The following KRT6C variants were observed in gnomAD, a reference collection of about 807,000 sequenced individuals.
KRT6C encodes the protein keratin 6C, also known as keratin, type II cytoskeletal 6C.
A neutral mutation model predicts 49.4 loss-of-function variants in KRT6C; 46 were observed. That is an observed-to-expected ratio of 0.93 (90% CI 0.74 to 1.19). The LOEUF (loss-of-function observed/expected upper bound fraction) is 1.19. KRT6C is among the 50% of genes most tolerant of loss of function. The pLI, the probability that KRT6C is intolerant of heterozygous loss-of-function variation, is 0.00. For synonymous variants in KRT6C, 236 were observed against 297.1 expected (o/e 0.79, Z 2.12); for missense variants, 552 against 737.5 (o/e 0.75, Z 2.91).
rs1592176990 is a variant in KRT6C, at chr12:52,470,709, C to A, written c.1078-79G>T. 1.2e-5 allele frequency: 19 copies of A among 1,611,954 alleles called. No individual in the cohort carries two copies. The East Asian group carries it at 1.3e-4, about 11-fold the overall frequency. Reference sequence around the variant, plus strand: ...CGATGACTTTCACTTGTGTATCATGCATGTCATGAAGTGGACCTAATGGCT... The same window carrying A: ...CGATGACTTTCACTTGTGTATCATGAATGTCATGAAGTGGACCTAATGGCT... On this transcript the variant is annotated intron_variant, in intron 5 of 8. Coordinates refer to ENST00000252250, the MANE Select transcript of KRT6C (RefSeq NM_173086.5).
At position 52,469,898 on chromosome 12, in the gene KRT6C, G is replaced by A. The variant is rs752952124; in HGVS notation, c.1204-8C>T. On this transcript the variant is annotated splice_region_variant and splice_polypyrimidine_tract_variant and intron_variant, in intron 6 of 8. Transcript: ENST00000252250. ...AGCCTGCAGGCTGGCACACTAGGAG[G>A]GGAAAGGAAGAGAAGGAACTTCTTG... 9.4e-5 allele frequency: 152 copies of A among 1,613,916 alleles called. No individual in the cohort carries two copies. Among genetic ancestry groups the A allele is most frequent in the Non-Finnish European group, 1.2e-4 (144 of 1,179,972 alleles).
rs1196451284 is a variant in KRT6C, at chr12:52,469,403, G to C, written c.1459+8C>G. On this transcript the variant is annotated splice_region_variant and intron_variant, in intron 8 of 8. Transcript: ENST00000252250. The stretch of plus-strand genomic sequence containing the variant: ...GGGCAGGGGAGGAAGGCAAGCAAAG[G>C]TACTTACAGACGTTGACTTGTCCAA... 1.9e-6 allele frequency: 3 copies of C among 1,613,888 alleles called. No individual in the cohort carries two copies. The highest frequency in any genetic ancestry group is 1.7e-6 in the Non-Finnish European group (2 of 1,179,900).
chr12:52,472,370 C>T, intron 1 of KRT6C, 90 bp from the exon 2 acceptor site: 1 of 1,156,064 alleles, frequency 8.7e-7, no homozygotes, highest in Non-Finnish European at 1.2e-6. Flanking sequence ...TTGGAGGTCC[C>T]CATGGTGCTG....
chr12:52,470,311 C>T, intron 6 of KRT6C, 194 bp downstream of exon 6: 2 of 965,572 alleles, frequency 2.1e-6, no homozygotes, highest in Non-Finnish European at 3.2e-6. Flanking sequence ...CCTGGCCTTG[C>T]TTGTGCCTCA....
Position 52,473,685 on chromosome 12 carries a change from A to G in KRT6C, c.53T>C (p.Phe18Ser), listed in dbSNP as rs1456360376. 5 of 1,613,482 alleles carry G rather than the reference A, an allele frequency of 3.1e-6. No homozygotes were observed. The South Asian group carries it at 3.3e-5, about 11-fold the overall frequency. ...AGGGAGCCTGGCTGAGTTGGCACTG[A>G]AACCCCGGCGGCTGCTGCTGTGGCT... ...IRSHSSSRRG[F>S]SANSARLPGV... Residue 18 changes from phenylalanine to serine, a missense_variant, in exon 1 of 9, where the codon TTC (phenylalanine) becomes TCC (serine). Physicochemically the swap from Phe to Ser is radical, Grantham distance 155 (BLOSUM62 -2). Transcript: ENST00000252250.
Position 52,468,915 on chromosome 12 carries a change from A to G in KRT6C, c.*147T>C. 1.1e-6 allele frequency: 1 copy of G among 940,326 alleles called. No homozygotes were observed. The highest frequency in any genetic ancestry group is 1.6e-6 in the Non-Finnish European group (1 of 618,620). The allele number at this position is 940,326 out of a possible 1,614,324, so 58.2% of individuals were successfully genotyped here. A position where few individuals can be genotyped will look rare whatever the true frequency, so the allele number is the denominator to read the frequency against. Reference sequence around the variant, plus strand: ...AGATGGGGCAGGTATAGACAGAGAGAAGTGAGGGCACTAAGCATCCATACC... The same window carrying G: ...AGATGGGGCAGGTATAGACAGAGAGGAGTGAGGGCACTAAGCATCCATACC... On this transcript the variant is annotated 3_prime_UTR_variant, in exon 9 of 9. Transcript: ENST00000252250.
Position 52,469,074 on chromosome 12 carries a change from G to C in KRT6C, c.1683C>G (p.Ser561Arg), listed in dbSNP as rs775794801. The C allele has an allele frequency of 6.2e-7, 1 of 1,614,154 alleles. No individual in the cohort carries two copies. Among genetic ancestry groups the C allele is most frequent in the South Asian group, 1.1e-5 (1 of 91,078 alleles). The change falls in exon 9 of 9, where the codon AGC becomes AGG. Residue 561 changes from serine to arginine, a missense_variant. Physicochemically the swap from Ser to Arg is moderately radical, Grantham distance 110 (BLOSUM62 -1). Coordinates refer to ENST00000252250, the MANE Select transcript of KRT6C (RefSeq NM_173086.5). The part of the protein sequence containing the change: ...YTTTSSSSRK[S>R]YKH ...TGGAGGCAGCACTTTAGTGCTTGTAGCTCTTCCTGCTGGAGGAGGAGGTGG... is the reference window on the plus strand; with the variant it reads ...TGGAGGCAGCACTTTAGTGCTTGTACCTCTTCCTGCTGGAGGAGGAGGTGG...
At chr12:52,470,328 C>T (rs200217394) in intron 6 of KRT6C, 177 bp downstream of exon 6, 1 of 1,150,102 alleles carries the variant, frequency 8.7e-7, no homozygotes, top group African/African-American at 1.5e-5. Context: ...CTCAGAGGCT[C>T]ATCCTCTTGG....
chr12:52,473,091 G>C lies in KRT6C; in HGVS notation c.540+107C>G, dbSNP rs1937915956. Reference sequence around the variant, plus strand: ...GCCACCTGCACTCTCTGCAGAGCTGGGCTGAATCCCCTTCTCCCTCCCTCC... The same window carrying C: ...GCCACCTGCACTCTCTGCAGAGCTGCGCTGAATCCCCTTCTCCCTCCCTCC... On this transcript the variant is annotated intron_variant, in intron 1 of 8. Coordinates refer to ENST00000252250, the MANE Select transcript of KRT6C (RefSeq NM_173086.5). 14 of 1,286,202 alleles carry C rather than the reference G, an allele frequency of 1.1e-5. 2 individuals are homozygous for C. In the South Asian group the frequency reaches 1.5e-4, roughly 14 times the overall value. 79.7% of individuals were successfully genotyped at this position (1,286,202 alleles called of 1,614,324 possible).
At position 52,471,711 on chromosome 12, in the gene KRT6C, C is replaced by T. The variant is rs762293958; in HGVS notation, c.777G>A (p.Lys259=). 3 of 1,613,476 alleles carry T rather than the reference C, an allele frequency of 1.9e-6. No individual in the cohort carries two copies. The highest frequency in any genetic ancestry group is 2.7e-5 in the African/African-American group (2 of 74,778). Residue 259 remains lysine, a synonymous_variant, in exon 3 of 9, where the codon AAG becomes AAA. Coordinates refer to ENST00000252250, the MANE Select transcript of KRT6C (RefSeq NM_173086.5). ...CAAATTCATTCTCTGCTGCTGTGCGCTTGTTGATTTCATCCTCATATCTAC... is the reference window on the plus strand; with the variant it reads ...CAAATTCATTCTCTGCTGCTGTGCGTTTGTTGATTTCATCCTCATATCTAC... ...LKNKYEDEIN[K]RTAAENEFVT...
chr12:52,473,260 G>C lies in KRT6C; in HGVS notation c.478C>G (p.Arg160Gly). 6.5e-7 allele frequency: 1 copy of C among 1,545,954 alleles called. No homozygotes were observed. Among genetic ancestry groups the C allele is most frequent in the Non-Finnish European group, 8.9e-7 (1 of 1,127,820 alleles). ...LQIDPAIQRVRAEEREQIKTL... is the reference protein window; with the variant it reads ...LQIDPAIQRVGAEEREQIKTL... ...TTGATCTGCTCACGCTCCTCGGCCC[G>C]CACCCGCTGGATGGCGGGGTCAATT... is the stretch of plus-strand genomic sequence containing the variant. Residue 160 changes from arginine (R) to glycine (G), a missense_variant, in exon 1 of 9, where the codon CGG becomes GGG. Arg to Gly is a moderately radical substitution (Grantham distance 125). This residue lies in a region of KRT6C where 54 missense variants were observed against 195.9 expected (regional missense o/e 0.28). Transcript: ENST00000252250.
rs547636189 is a variant in KRT6C, at chr12:52,469,897, G to A, written c.1204-7C>T. ...CAGCCTGCAGGCTGGCACACTAGGA[G>A]GGGAAAGGAAGAGAAGGAACTTCTT... On this transcript the variant is annotated splice_region_variant and splice_polypyrimidine_tract_variant and intron_variant, in intron 6 of 8. Transcript: ENST00000252250. 1.7e-5 allele frequency: 28 copies of A among 1,614,008 alleles called. No homozygotes were observed. In the African/African-American group the frequency reaches 3.1e-4, roughly 18 times the overall value.
intron 2 of KRT6C, 148 bp from the exon 3 acceptor site, chr12:52,471,880 C>T (rs1937892228): frequency 7.5e-7 from 1 of 1,331,720 alleles, no homozygotes; most frequent in Non-Finnish European, 1.1e-6. Flanking sequence ...TTTGCTACTA[C>T]TAAATTTGCC....
chr12:52,470,087 AGCACC>A (rs1565808078), intron 6 of KRT6C, 197 bp from the exon 7 acceptor site: 6 of 696,312 alleles, frequency 8.6e-6, no homozygotes, highest in Non-Finnish European at 1.5e-5. Context: ...CCTTGTATTA[AGCACC>A]CGCATGAGAA....
chr12:52,468,687 T>G lies in KRT6C; in HGVS notation c.*375A>C. On this transcript the variant is annotated 3_prime_UTR_variant, in exon 9 of 9. Coordinates refer to ENST00000252250, the MANE Select transcript of KRT6C (RefSeq NM_173086.5). The stretch of plus-strand genomic sequence containing the variant: ...AGGGAGTTTGGGGGCCAATGGAAAA[T>G]AAGTGGAAGTTGTTCTGAAATAAGC... The G allele has an allele frequency of 1.1e-5, 3 of 272,498 alleles. No individual in the cohort carries two copies. Among genetic ancestry groups the G allele is most frequent in the South Asian group, 5.4e-5 (1 of 18,388 alleles). The allele number at this position is 272,498 out of a possible 1,614,324, so 16.9% of individuals were successfully genotyped here.
chr12:52,471,311 G>A lies in KRT6C; in HGVS notation c.913-15C>T, dbSNP rs752584044. On this transcript the variant is annotated splice_polypyrimidine_tract_variant and intron_variant, in intron 4 of 8. Coordinates refer to ENST00000252250, the MANE Select transcript of KRT6C (RefSeq NM_173086.5). ...TGGGACAGCTCCTGCAGAACAGAAG[G>A]TCATAAGATCAACTTCACATCTGAC... 2.0e-5 allele frequency: 32 copies of A among 1,614,186 alleles called. 1 individual carries two copies. The South Asian group carries it at 2.5e-4, about 13-fold the overall frequency.
intron 3 of KRT6C, 65 bp from the exon 4 acceptor site, chr12:52,471,581 TC>T (rs1937884795): frequency 6.7e-7 from 1 of 1,500,678 alleles, no homozygotes; most frequent in East Asian, 2.4e-5. Context: ...CATCTTCTAG[TC>T]CTCCTGCCAA....
At position 52,473,362 on chromosome 12, in the gene KRT6C, C is replaced by T. The variant is rs1365310478; in HGVS notation, c.376G>A (p.Gly126Ser). ...CCTCCAGGGGGGCACACAGGGAAGCCAGGGCCCCCAAAGCCACCAGCAAGG... is the reference window on the plus strand; with the variant it reads ...CCTCCAGGGGGGCACACAGGGAAGCTAGGGCCCCCAAAGCCACCAGCAAGG... The part of the protein sequence containing the change: ...AGLAGGFGGP[G>S]FPVCPPGGIQ... Residue 126 changes from glycine to serine, a missense_variant, in exon 1 of 9, where the codon GGC becomes AGC. By Grantham distance (56) the Gly-to-Ser change is moderately conservative (BLOSUM62 0). This residue lies in a region of KRT6C where 54 missense variants were observed against 195.9 expected (regional missense o/e 0.28). Coordinates refer to ENST00000252250, the MANE Select transcript of KRT6C (RefSeq NM_173086.5). 3.5e-6 allele frequency: 5 copies of T among 1,434,070 alleles called. No individual in the cohort carries two copies. Among genetic ancestry groups the T allele is most frequent in the Non-Finnish European group, 1.9e-6 (2 of 1,043,374 alleles). 88.8% of individuals were successfully genotyped at this position (1,434,070 alleles called of 1,614,324 possible).
In KRT6C at chr12:52,472,399, G is replaced by A. The variant is rs113409635; in HGVS notation, c.541-119C>T. ...GGTGCTGGGCTACTACAGTGCATGT[G>A]GAGAGGCTCAGGCTGAGCTCTGCTC... On this transcript the variant is annotated intron_variant, in intron 1 of 8. Transcript: ENST00000252250. 273 of 945,656 alleles carry A rather than the reference G, an allele frequency of 2.9e-4. 20 individuals carry two copies. Among genetic ancestry groups the A allele is most frequent in the Middle Eastern group, 9.0e-4 (3 of 3,348 alleles). The allele number at this position is 945,656 out of a possible 1,614,324, so 58.6% of individuals were successfully genotyped here.
Sources: gnomAD v4.1 joint callset for allele counts on GRCh38, gnomAD v4.1.1 for gene constraint, gnomAD v4.1.1 regional missense constraint, MANE v1.5 for transcripts, NCBI Gene and HGNC (gene_info 2026-07-23, HGNC 2026-07-21) for gene names.